The following PDCD4 variants were observed in gnomAD, a reference collection of about 807,000 sequenced individuals.
PDCD4 encodes the protein programmed cell death 4.
In PDCD4, 56 loss-of-function variants were observed where a neutral mutation model predicts 54.0. That is an observed-to-expected ratio of 1.04 (90% CI 0.84 to 1.30). The LOEUF (loss-of-function observed/expected upper bound fraction) is 1.30, where lower values mean the gene tolerates loss of function less well. Among genes scored for constraint, PDCD4 ranks in the 50% most tolerant of loss-of-function variants. The pLI is 0.00. For missense variants in PDCD4, 584 were observed against 559.8 expected (o/e 1.04, Z -0.44); for synonymous variants, 186 against 194.8 (o/e 0.95, Z 0.37).
In PDCD4 at chr10:110,885,272, C is replaced by T; in HGVS notation, c.461C>T (p.Thr154Ile). The change falls in exon 5 of 12, where the codon ACT (threonine) becomes ATT (isoleucine). Residue 154 changes from threonine (T) to isoleucine (I), a missense_variant. By Grantham distance (89) the Thr-to-Ile change is moderately conservative. Transcript: ENST00000280154. ...DDDQENCVYE[T>I]VVLPLDERAF... is the part of the protein sequence containing the mutation. ...TCAAAGGAGAACTGTGTTTATGAAA[C>T]TGTAGTTTTGCCTTTGGATGAAAGG... 1 of 1,563,168 alleles carries T rather than the reference C, an allele frequency of 6.4e-7. No individual in the cohort carries two copies. The highest frequency in any genetic ancestry group is 8.8e-7 in the Non-Finnish European group (1 of 1,136,964).
At position 110,876,075 on chromosome 10, in the gene PDCD4, G is replaced by A; in HGVS notation, c.43+5G>A. The A allele has an allele frequency of 1.9e-6, 3 of 1,604,918 alleles. No homozygotes were observed. The highest frequency in any genetic ancestry group is 2.6e-6 in the Non-Finnish European group (3 of 1,174,856). On this transcript the variant is annotated splice_donor_5th_base_variant and intron_variant, in intron 2 of 11. Coordinates refer to ENST00000280154, the MANE Select transcript of PDCD4 (RefSeq NM_014456.5). ...TACTGAATGTAAACCCTGCAGGTAA[G>A]TAAGGATATCCTTTTTTCTTTTTTT...
At chr10:110,875,089 AT>A (rs1845481009) in intron 1 of PDCD4, among the ~76,000 whole-genome samples, 1 of 152,162 alleles carries the variant, frequency 6.6e-6, no homozygotes, top group Non-Finnish European at 1.5e-5. Context: ...AGATTCTGAA[AT>A]CTTAATTTGG....
chr10:110,891,300 G>C (rs894460263), intron 8 of PDCD4, among the ~76,000 whole-genome samples: 1 of 151,468 alleles, frequency 6.6e-6, no homozygotes, highest in Non-Finnish European at 1.5e-5. Context: ...CCAGCTACTC[G>C]GGAGGCTGAG....
In PDCD4 at chr10:110,890,905, A is replaced by G. The variant is rs998488058; in HGVS notation, c.990+235A>G. On this transcript the variant is annotated intron_variant, in intron 8 of 11. Coordinates refer to ENST00000280154, the MANE Select transcript of PDCD4 (RefSeq NM_014456.5). ...ATGAATAATTATAAGCAAGCCATCT[A>G]TGAACTTCAAAGGAATGCCTGAAAT... The G allele has an allele frequency of 7.0e-5, 23 of 328,660 alleles. No homozygotes were observed. The East Asian group carries it at 8.9e-4, about 13-fold the overall frequency. The allele number at this position is 328,660 out of a possible 1,614,324, so 20.4% of individuals were successfully genotyped here. A position where few individuals can be genotyped will look rare whatever the true frequency, so the allele number is the denominator to read the frequency against.
At chr10:110,888,617 A>G (rs1845706437) in intron 6 of PDCD4, among the ~76,000 whole-genome samples, 1 of 152,188 alleles carries the variant, frequency 6.6e-6, no homozygotes. Context: ...CTGTGGGTAT[A>G]TATCAATGTA....
chr10:110,882,383 A>G (rs1475512538), intron 3 of PDCD4, among the ~76,000 whole-genome samples: 1 of 152,222 alleles, frequency 6.6e-6, no homozygotes, highest in Non-Finnish European at 1.5e-5. Flanking sequence ...TAGAAAAGCA[A>G]CTTTGAAAAT....
intron 4 of PDCD4, chr10:110,884,827 C>G (rs1336252037): frequency 1.3e-5 from 2 of 152,186 alleles, no homozygotes; most frequent in East Asian, 1.9e-4. Flanking sequence ...TATTTTTTAG[C>G]TTTGTTGTCC....
At chr10:110,889,662 C>A in intron 7 of PDCD4, 32 bp downstream of exon 7, 3 of 1,212,184 alleles carry the variant, frequency 2.5e-6, no homozygotes, top group Non-Finnish European at 3.6e-6. Flanking sequence ...CTTAGAATTT[C>A]AAAATAGGGG....
At chr10:110,874,106 C>G (rs545841628) in intron 1 of PDCD4, among the ~76,000 whole-genome samples, 12 of 152,152 alleles carry the variant, frequency 7.9e-5, no homozygotes, top group Admixed American at 6.5e-4. Flanking sequence ...CCTGGCTGTT[C>G]CACTAAGCAG....
intron 11 of PDCD4, among the ~76,000 whole-genome samples, chr10:110,897,324 C>T (rs1236177992): frequency 1.3e-5 from 2 of 152,204 alleles, no homozygotes; most frequent in Non-Finnish European, 2.9e-5. Flanking sequence ...GTAAGGTGCA[C>T]ATTTGTGTGT....
chr10:110,886,628 A>G (rs1412152652), intron 5 of PDCD4, among the ~76,000 whole-genome samples: 3 of 152,146 alleles, frequency 2.0e-5, no homozygotes, highest in Non-Finnish European at 1.5e-5. Flanking sequence ...CTAGAGTCAG[A>G]CTGCCTTTAT....
At chr10:110,884,631 G>T (rs571613944) in intron 4 of PDCD4, 8 of 152,072 alleles carry the variant, frequency 5.3e-5, no homozygotes, top group African/African-American at 1.7e-4. Context: ...ATTACTAAAA[G>T]ATTGGTTTTG....
At chr10:110,889,221 C>CAAAAAAAAAAAAAAAAAAAAAAAAA (rs34424151) in intron 6 of PDCD4, among the ~76,000 whole-genome samples, 1 of 70,450 alleles carries the variant, frequency 1.4e-5, no homozygotes. Context: ...GACTCTGTCT[C>CAAAAAAAAAAAAAAAAAAAAAAAAA]AAAAAAAAAA....
intron 4 of PDCD4, among the ~76,000 whole-genome samples, chr10:110,883,736 T>C (rs948632350): frequency 1.3e-5 from 2 of 152,212 alleles, no homozygotes; most frequent in African/African-American, 4.8e-5. Context: ...ATTATGTTTT[T>C]TGAAAATTTG....
intron 7 of PDCD4, 39 bp downstream of exon 7, chr10:110,889,669 G>C: frequency 8.7e-7 from 1 of 1,151,250 alleles, no homozygotes. Context: ...TTTCAAAATA[G>C]GGGAAAATTC....
At chr10:110,874,272 T>A (rs1441693551) in intron 1 of PDCD4, among the ~76,000 whole-genome samples, 1 of 152,234 alleles carries the variant, frequency 6.6e-6, no homozygotes, top group African/African-American at 2.4e-5. Flanking sequence ...TCAATTATAA[T>A]CATTTCGCTT....
intron 8 of PDCD4, 37 bp from the exon 9 acceptor site, chr10:110,894,054 A>G (rs1845793725): frequency 8.1e-7 from 1 of 1,240,768 alleles, no homozygotes; most frequent in Non-Finnish European, 1.2e-6. Context: ...TTTAAAAGTT[A>G]GGAATTCTGA....
chr10:110,889,221 CAAAAAAAAA>C (rs34424151), intron 6 of PDCD4, among the ~76,000 whole-genome samples: 1 of 70,450 alleles, frequency 1.4e-5, no homozygotes, highest in Admixed American at 1.6e-4. Flanking sequence ...GACTCTGTCT[CAAAAAAAAA>C]AAAAAAAAAA....
intron 1 of PDCD4, among the ~76,000 whole-genome samples, chr10:110,873,590 T>C (rs1342370865): frequency 2.0e-5 from 3 of 152,240 alleles, no homozygotes; most frequent in African/African-American, 7.2e-5. Context: ...TGTATAGTTT[T>C]CTCATCGAAA....
Sources: gnomAD v4.1 joint callset for allele counts (sites outside exome capture counted in the v4.1 genomes callset) on GRCh38, gnomAD v4.1.1 for gene constraint, MANE v1.5 for transcripts, NCBI Gene and HGNC (gene_info 2026-07-23, HGNC 2026-07-21) for gene names.